Variants in NPAS3 observed in about 807,000 individuals in gnomAD.
NPAS3 encodes neuronal PAS domain-containing protein 3.
Under a neutral mutation model 73.1 loss-of-function variants are expected in NPAS3, and 14 were observed. The ratio of observed to expected loss-of-function variants is 0.19; its 90% confidence interval spans 0.13 to 0.30. NPAS3 has a LOEUF of 0.30. Among genes scored for constraint, NPAS3 ranks in the 10% least tolerant of loss-of-function variants. The pLI is 1.00. For missense variants in NPAS3, 1,096 were observed against 1,250.0 expected (o/e 0.88, Z 1.86); for synonymous variants, 620 against 541.5 (o/e 1.14, Z -2.01).
intron 9 of NPAS3, chr14:33,780,583 T>C (rs760617887): frequency 6.8e-6 from 3 of 443,294 alleles, no homozygotes; most frequent in South Asian, 5.0e-5. Context: ...CAGTTATTAT[T>C]TGGAAAACAT....
At chr14:33,687,607 T>TG (rs2060125575) in intron 6 of NPAS3, among the ~76,000 whole-genome samples, 1 of 152,206 alleles carries the variant, frequency 6.6e-6, no homozygotes, top group African/African-American at 2.4e-5. Flanking sequence ...GAAACTTAAT[T>TG]GGTAACTTAA....
intron 2 of NPAS3, among the ~76,000 whole-genome samples, chr14:33,198,428 A>G (rs1332964058): frequency 6.6e-6 from 1 of 152,176 alleles, no homozygotes; most frequent in Non-Finnish European, 1.5e-5. Context: ...TGAGCTAGAC[A>G]CAGAGTGCTG....
At chr14:33,319,082 G>A (rs1487198773) in intron 3 of NPAS3, among the ~76,000 whole-genome samples, 2 of 152,072 alleles carry the variant, frequency 1.3e-5, no homozygotes, top group African/African-American at 4.8e-5. Context: ...ACATGGGCTG[G>A]GCTTGTCAGT....
intron 5 of NPAS3, among the ~76,000 whole-genome samples, chr14:33,594,884 T>C (rs1334965541): frequency 6.6e-6 from 1 of 152,094 alleles, no homozygotes; most frequent in African/African-American, 2.4e-5. Context: ...ATGTAGCTGG[T>C]GTTTCAGGGT....
At chr14:33,541,008 T>C (rs2054486033) in intron 4 of NPAS3, among the ~76,000 whole-genome samples, 1 of 152,082 alleles carries the variant, frequency 6.6e-6, no homozygotes, top group African/African-American at 2.4e-5. Flanking sequence ...TCTTCTTTAC[T>C]TTATGGTATT....
intron 2 of NPAS3, among the ~76,000 whole-genome samples, chr14:33,132,385 C>T (rs897138107): frequency 2.6e-5 from 4 of 152,026 alleles, no homozygotes; most frequent in South Asian, 2.1e-4. Flanking sequence ...TTTGGATTTT[C>T]GAGTTGTCTG....
chr14:33,799,505 G>T (rs2063616406), intron 11 of NPAS3, among the ~76,000 whole-genome samples: 1 of 152,192 alleles, frequency 6.6e-6, no homozygotes, highest in Non-Finnish European at 1.5e-5. Flanking sequence ...TGCCAATGCT[G>T]CTGGCCCGCA....
At chr14:33,517,177 C>G (rs1218028054) in intron 4 of NPAS3, among the ~76,000 whole-genome samples, 1 of 152,058 alleles carries the variant, frequency 6.6e-6, no homozygotes, top group Non-Finnish European at 1.5e-5. Flanking sequence ...ATGATACTGG[C>G]CAACTTCTAA....
chr14:33,165,446 C>T (rs1443287128), intron 2 of NPAS3, among the ~76,000 whole-genome samples: 2 of 152,046 alleles, frequency 1.3e-5, no homozygotes, highest in African/African-American at 2.4e-5. Context: ...GCTTACAGAG[C>T]AGCCTGCTTG....
At chr14:33,276,276 A>T (rs1225684991) in intron 3 of NPAS3, among the ~76,000 whole-genome samples, 1 of 152,092 alleles carries the variant, frequency 6.6e-6, no homozygotes, top group Admixed American at 6.6e-5. Context: ...TGAGGATGGG[A>T]ATGAATGCAG....
intron 4 of NPAS3, among the ~76,000 whole-genome samples, chr14:33,428,893 A>G (rs2048665567): frequency 6.6e-6 from 1 of 152,144 alleles, no homozygotes; most frequent in African/African-American, 2.4e-5. Context: ...GCTCTACAAT[A>G]TAGTAGAATT....
At chr14:33,078,760 T>TTGCTTGGAGAGCAAACTATTC (rs1311530919) in intron 2 of NPAS3, among the ~76,000 whole-genome samples, 1 of 152,206 alleles carries the variant, frequency 6.6e-6, no homozygotes, top group African/African-American at 2.4e-5. Context: ...ATTCTCAGTA[T>TTGCTTGGAGAGCAAACTATTC]TGCTTCCTTC....
At chr14:33,246,839 C>CAAAAAAAAAAAAAAAAAA (rs571439161) in intron 3 of NPAS3, among the ~76,000 whole-genome samples, 1 of 61,954 alleles carries the variant, frequency 1.6e-5, no homozygotes, top group African/African-American at 7.8e-5. Context: ...ATTAAAAATA[C>CAAAAAAAAAAAAAAAAAA]AAAAAAAAAA....
chr14:33,301,310 A>G lies in NPAS3; in HGVS notation c.386-65876A>G, dbSNP rs1366111880. 6.1e-5 allele frequency among the ~76,000 whole-genome samples: 6 copies of G among 97,992 alleles called. 2 individuals carry two copies. The highest frequency in any genetic ancestry group is 1.2e-4 in the Non-Finnish European group (6 of 51,124). The allele number at this position is 97,992 out of a possible 152,430, so 64.3% of individuals were successfully genotyped here. A position where few individuals can be genotyped will look rare whatever the true frequency, so the allele number is the denominator to read the frequency against. On this transcript the variant is annotated intron_variant, in intron 3 of 11. Transcript: ENST00000356141. The stretch of plus-strand genomic sequence containing the variant: ...AACCCCACCTAGGTTTTATCATTAT[A>G]TATATATATATATTTTTTTTTTTTA...
intron 2 of NPAS3, among the ~76,000 whole-genome samples, chr14:33,120,233 A>T (rs1292800259): frequency 6.6e-6 from 1 of 152,184 alleles, no homozygotes; most frequent in African/African-American, 2.4e-5. Flanking sequence ...TGCTGGGATT[A>T]CAGGCATGAG....
intron 3 of NPAS3, among the ~76,000 whole-genome samples, chr14:33,265,840 AG>A (rs2040789988): frequency 6.6e-6 from 1 of 152,142 alleles, no homozygotes; most frequent in East Asian, 1.9e-4. Flanking sequence ...GTCTATCATT[AG>A]ATTACCTTGG....
At chr14:33,394,774 CAT>C (rs2047151350) in intron 4 of NPAS3, among the ~76,000 whole-genome samples, 1 of 152,108 alleles carries the variant, frequency 6.6e-6, no homozygotes, top group Non-Finnish European at 1.5e-5. Context: ...TCTCAGCAAA[CAT>C]TATCAAAATC....
At chr14:33,767,482 A>G (rs2062501133) in intron 7 of NPAS3, among the ~76,000 whole-genome samples, 1 of 152,194 alleles carries the variant, frequency 6.6e-6, no homozygotes, top group African/African-American at 2.4e-5. Context: ...TACAGAGGAA[A>G]AAAAAAGAAA....
intron 3 of NPAS3, among the ~76,000 whole-genome samples, chr14:33,229,240 A>G (rs1308418007): frequency 6.6e-6 from 1 of 152,236 alleles, no homozygotes; most frequent in African/African-American, 2.4e-5. Flanking sequence ...GCTTAATCAA[A>G]CATACTCTTT....
Sources: allele counts gnomAD v4.1 joint callset (sites outside exome capture counted in the v4.1 genomes callset), GRCh38; gene constraint gnomAD v4.1.1; transcripts MANE v1.5; gene names NCBI Gene and HGNC (gene_info 2026-07-23, HGNC 2026-07-21).